Variants in TTLL11 observed in about 807,000 individuals in gnomAD.
The protein encoded by TTLL11 is tubulin tyrosine ligase like 11.
A neutral mutation model predicts 51.7 loss-of-function variants in TTLL11; 42 were observed. The observed-to-expected ratio is 0.81, with a 90% CI of 0.64 to 1.05. TTLL11 has a LOEUF of 1.05. Among genes scored for constraint, TTLL11 ranks in the 50% least tolerant of loss-of-function variants. The pLI is 0.00. For synonymous variants in TTLL11, 381 were observed against 383.5 expected, an observed-to-expected ratio of 0.99 and a Z score of 0.08; for missense variants, 799 against 940.4, an observed-to-expected ratio of 0.85 and a Z score of 1.97.
chr9:122,012,665 C>T (rs1653008062), intron 3 of TTLL11, among the ~76,000 whole-genome samples: 2 of 147,404 alleles, frequency 1.4e-5, no homozygotes, highest in East Asian at 1.9e-4. Context: ...AATACACATA[C>T]ACACACACAC....
intron 2 of TTLL11, among the ~76,000 whole-genome samples, chr9:122,035,625 TA>T (rs1452298852): frequency 6.6e-6 from 1 of 152,204 alleles, no homozygotes; most frequent in Non-Finnish European, 1.5e-5. Context: ...AAACAACAAA[TA>T]AATCCTTTCA....
intron 6 of TTLL11, among the ~76,000 whole-genome samples, chr9:121,912,494 C>T (rs1379974809): frequency 6.6e-6 from 1 of 151,996 alleles, no homozygotes; most frequent in Non-Finnish European, 1.5e-5. Flanking sequence ...CCCCTCTCTG[C>T]CCCACAGTCC....
intron 6 of TTLL11, among the ~76,000 whole-genome samples, chr9:121,871,916 G>A (rs6478540): frequency 2.6e-5 from 4 of 152,204 alleles, no homozygotes; most frequent in Non-Finnish European, 4.4e-5. Context: ...CCACTCCTGG[G>A]TCCTATCCTG....
At chr9:121,889,850 A>G (rs1197700431) in intron 6 of TTLL11, among the ~76,000 whole-genome samples, 1 of 144,188 alleles carries the variant, frequency 6.9e-6, no homozygotes, top group Non-Finnish European at 1.5e-5. Flanking sequence ...CAGTGAGCCA[A>G]GATCGCACCA....
At chr9:121,827,060 G>A (rs1355199525) in intron 8 of TTLL11, among the ~76,000 whole-genome samples, 3 of 152,216 alleles carry the variant, frequency 2.0e-5, no homozygotes, top group East Asian at 1.9e-4. Flanking sequence ...CGCGTGATCC[G>A]AGTCCCATGG....
intron 8 of TTLL11, among the ~76,000 whole-genome samples, chr9:121,838,025 T>C (rs1837229156): frequency 6.6e-6 from 1 of 152,240 alleles, no homozygotes; most frequent in South Asian, 2.1e-4. Flanking sequence ...TCTCTTCCTG[T>C]CATTCATTCC....
intron 6 of TTLL11, among the ~76,000 whole-genome samples, chr9:121,900,537 C>G (rs888406510): frequency 2.0e-5 from 3 of 152,174 alleles, no homozygotes; most frequent in African/African-American, 7.2e-5. Flanking sequence ...TTTCTATTCT[C>G]ATTGGAAAAT....
chr9:121,976,548 AG>A (rs1842716093), intron 4 of TTLL11, among the ~76,000 whole-genome samples: 1 of 152,228 alleles, frequency 6.6e-6, no homozygotes, highest in Non-Finnish European at 1.5e-5. Flanking sequence ...AAAAAGAAAA[AG>A]ATAGGGTTGT....
At chr9:121,932,665 G>A (rs1390052140) in intron 6 of TTLL11, among the ~76,000 whole-genome samples, 6 of 151,966 alleles carry the variant, frequency 3.9e-5, no homozygotes, top group African/African-American at 1.2e-4. Flanking sequence ...ATAGTAGTAC[G>A]GCAGGCTGAT....
chr9:122,013,428 C>T (rs149343482), intron 3 of TTLL11, among the ~76,000 whole-genome samples: 40 of 152,226 alleles, frequency 2.6e-4, no homozygotes, highest in South Asian at 1.0e-3. Flanking sequence ...AACAAGGATA[C>T]GTAGCAAAGG....
intron 1 of TTLL11, among the ~76,000 whole-genome samples, chr9:122,071,737 C>T (rs917889260): frequency 2.0e-5 from 3 of 152,194 alleles, no homozygotes; most frequent in Non-Finnish European, 4.4e-5. Context: ...GGAACTAATG[C>T]TATTCCCCTA....
chr9:122,059,922 T>G (rs1309646931), intron 1 of TTLL11, among the ~76,000 whole-genome samples: 1 of 152,146 alleles, frequency 6.6e-6, no homozygotes, highest in East Asian at 1.9e-4. Flanking sequence ...GGGACCACAC[T>G]CAGCAACTAG....
At chr9:121,843,164 C>T (rs1364803755) in intron 8 of TTLL11, among the ~76,000 whole-genome samples, 2 of 151,908 alleles carry the variant, frequency 1.3e-5, no homozygotes, top group Non-Finnish European at 2.9e-5. Context: ...AGTGAGACCC[C>T]CATCTTTATT....
At chr9:122,010,866 G>A (rs551714455) in intron 3 of TTLL11, among the ~76,000 whole-genome samples, 1 of 152,292 alleles carries the variant, frequency 6.6e-6, no homozygotes, top group East Asian at 1.9e-4. Context: ...ATGATTCAAA[G>A]CAAGATCTGC....
chr9:122,018,905 T>C (rs1414948528), intron 3 of TTLL11, among the ~76,000 whole-genome samples: 1 of 152,238 alleles, frequency 6.6e-6, no homozygotes, highest in Non-Finnish European at 1.5e-5. Context: ...GTTTTACTGC[T>C]GAGAAAAGAG....
rs547607126 is a variant in TTLL11, at chr9:121,838,844, G to C, written c.1841-15965C>G. Among the ~76,000 whole-genome samples, 27 of 132,428 alleles carry C rather than the reference G, an allele frequency of 2.0e-4. 1 individual carries two copies. The highest frequency in any genetic ancestry group is 3.2e-4 in the Non-Finnish European group (19 of 58,770). 86.9% of individuals were successfully genotyped at this position (132,428 alleles called of 152,430 possible). ...AGCAAGCAAAGATAGATCAAACCAC[G>C]CACTCCCCCACTTTAAACTCTTCAA... On this transcript the variant is annotated intron_variant, in intron 8 of 8. Coordinates refer to ENST00000321582, the MANE Select transcript of TTLL11 (RefSeq NM_001139442.2).
At chr9:121,839,176 CACA>C (rs1837279315) in intron 8 of TTLL11, among the ~76,000 whole-genome samples, 1 of 152,224 alleles carries the variant, frequency 6.6e-6, no homozygotes, top group Non-Finnish European at 1.5e-5. Flanking sequence ...CAGAACGCAT[CACA>C]ACGTCTAATT....
At chr9:122,006,169 T>G (rs1843636468) in intron 3 of TTLL11, among the ~76,000 whole-genome samples, 1 of 151,820 alleles carries the variant, frequency 6.6e-6, no homozygotes, top group Non-Finnish European at 1.5e-5. Flanking sequence ...GTGAAACCCC[T>G]GTCTCTACTA....
chr9:122,029,952 A>G (rs2131803581), intron 3 of TTLL11, among the ~76,000 whole-genome samples: 1 of 152,274 alleles, frequency 6.6e-6, no homozygotes, highest in Middle Eastern at 3.4e-3. Context: ...GTCCAGTACC[A>G]TGCTATACAG....
Sources: allele counts gnomAD v4.1 joint callset (sites outside exome capture counted in the v4.1 genomes callset), GRCh38; gene constraint gnomAD v4.1.1; transcripts MANE v1.5; gene names NCBI Gene and HGNC (gene_info 2026-07-23, HGNC 2026-07-21).